Variants in ATF7IP2 observed in about 807,000 individuals in gnomAD.
The protein encoded by ATF7IP2 is activating transcription factor 7-interacting protein 2.
ATF7IP2 carries 42 observed loss-of-function variants against 64.2 expected under a neutral mutation model. That is an observed-to-expected ratio of 0.65 (90% CI 0.51 to 0.85). The LOEUF (loss-of-function observed/expected upper bound fraction) is 0.85, where lower values mean the gene tolerates loss of function less well. Ranked by LOEUF, ATF7IP2 falls within the 40% of genes least tolerant of loss-of-function variation. The pLI, the probability that ATF7IP2 is intolerant of heterozygous loss-of-function variation, is 0.00. For synonymous variants in ATF7IP2, 308 were observed against 272.8 expected, an observed-to-expected ratio of 1.13 and a Z score of -1.27; for missense variants, 933 against 784.2, an observed-to-expected ratio of 1.19 and a Z score of -2.27.
intron 8 of ATF7IP2, chr16:10,446,637 A>G (rs1199857879): frequency 6.6e-6 from 1 of 152,228 alleles, no homozygotes; most frequent in African/African-American, 2.4e-5. Context: ...CTGGGTCCGA[A>G]TGAGACAACA....
chr16:10,438,086 A>G lies in ATF7IP2; in HGVS notation c.961-15A>G, dbSNP rs371408618. 166 of 1,521,624 alleles carry G rather than the reference A, an allele frequency of 1.1e-4. No homozygotes were observed. The highest frequency in any genetic ancestry group is 1.2e-4 in the Non-Finnish European group (132 of 1,140,236). The allele number at this position is 1,521,624 out of a possible 1,614,324, so 94.3% of individuals were successfully genotyped here. On this transcript the variant is annotated splice_polypyrimidine_tract_variant and intron_variant, in intron 6 of 13. Coordinates refer to ENST00000562102, the MANE Select transcript of ATF7IP2 (RefSeq NM_001393719.1). The stretch of plus-strand genomic sequence containing the variant: ...TGAAACGTAGGGTGTTTTGGTTTTT[A>G]TTTTAAAATTCTAGGTCAGACATTT...
intron 8 of ATF7IP2, among the ~76,000 whole-genome samples, chr16:10,453,868 T>G (rs2049073813): frequency 1.3e-5 from 2 of 152,240 alleles, no homozygotes; most frequent in South Asian, 4.2e-4. Flanking sequence ...CCGCCTGCCC[T>G]GACCCCAGGT....
intron 1 of ATF7IP2, among the ~76,000 whole-genome samples, chr16:10,396,627 A>G (rs949756111): frequency 6.6e-6 from 1 of 151,764 alleles, no homozygotes; most frequent in African/African-American, 2.4e-5. Context: ...GATTGAAACA[A>G]TTGTTGTACC....
chr16:10,433,242 A>G (rs1024701635), intron 5 of ATF7IP2, among the ~76,000 whole-genome samples: 1 of 152,054 alleles, frequency 6.6e-6, no homozygotes, highest in African/African-American at 2.4e-5. Context: ...GCAGTAGTCA[A>G]GGTGCTCACT....
intron 8 of ATF7IP2, among the ~76,000 whole-genome samples, chr16:10,441,939 T>C (rs1025826919): frequency 1.9e-4 from 29 of 152,246 alleles, no homozygotes; most frequent in African/African-American, 7.0e-4. Flanking sequence ...AGAAAGGTGC[T>C]GCCTGCATCA....
At chr16:10,412,651 A>C (rs553051428) in intron 1 of ATF7IP2, among the ~76,000 whole-genome samples, 1 of 152,192 alleles carries the variant, frequency 6.6e-6, no homozygotes, top group Admixed American at 6.5e-5. Context: ...TATATTCTGC[A>C]GTTGTTGGGT....
intron 11 of ATF7IP2, 72 bp downstream of exon 11, chr16:10,473,606 A>G (rs1036264180): frequency 1.8e-6 from 2 of 1,108,590 alleles, no homozygotes; most frequent in African/African-American, 3.2e-5. Flanking sequence ...AGTGTTTGCT[A>G]CATGTTGGAT....
intron 1 of ATF7IP2, among the ~76,000 whole-genome samples, chr16:10,389,012 A>G (rs1403695751): frequency 6.6e-6 from 1 of 151,898 alleles, no homozygotes; most frequent in Non-Finnish European, 1.5e-5. Context: ...ACTGTCTCAA[A>G]AAAAAAAAAA....
chr16:10,403,851 C>G (rs367884762), intron 1 of ATF7IP2, among the ~76,000 whole-genome samples: 5 of 152,040 alleles, frequency 3.3e-5, no homozygotes, highest in South Asian at 4.1e-4. Context: ...ATAGATCAGC[C>G]AAGGCAGAAG....
chr16:10,392,446 C>T (rs1440615370), intron 1 of ATF7IP2, among the ~76,000 whole-genome samples: 1 of 151,654 alleles, frequency 6.6e-6, no homozygotes, highest in East Asian at 1.9e-4. Context: ...GTGTGAGCCA[C>T]TGCTCCCAGC....
chr16:10,458,695 C>A (rs2049265620), intron 9 of ATF7IP2, among the ~76,000 whole-genome samples: 1 of 152,314 alleles, frequency 6.6e-6, no homozygotes, highest in African/African-American at 2.4e-5. Flanking sequence ...GAATGTTCTT[C>A]AGCTCATTTT....
intron 9 of ATF7IP2, among the ~76,000 whole-genome samples, chr16:10,465,429 T>C (rs1339566136): frequency 2.0e-5 from 3 of 151,898 alleles, no homozygotes; most frequent in African/African-American, 7.3e-5. Context: ...GTTTCCTCAG[T>C]TTCCCTCCCA....
chr16:10,405,463 T>G (rs2047618382), intron 1 of ATF7IP2, among the ~76,000 whole-genome samples: 2 of 152,156 alleles, frequency 1.3e-5, no homozygotes, highest in African/African-American at 4.8e-5. Flanking sequence ...CAAGCTGCAT[T>G]GTTTTGTAAG....
chr16:10,404,209 A>C (rs1174983351), intron 1 of ATF7IP2, among the ~76,000 whole-genome samples: 1 of 152,200 alleles, frequency 6.6e-6, no homozygotes, highest in Non-Finnish European at 1.5e-5. Context: ...AATCACCTAT[A>C]AAAGAAACTT....
In ATF7IP2 at chr16:10,430,635, T is replaced by C. The variant is rs1567450379; in HGVS notation, c.15T>C (p.Asp5=). The change falls in exon 5 of 14, where the codon GAT becomes GAC. Residue 5 remains aspartate, a synonymous_variant. Coordinates refer to ENST00000562102, the MANE Select transcript of ATF7IP2 (RefSeq NM_001393719.1). MASP[D]RSKRKILKAK... is the part of the protein sequence containing the mutation. ...GGATATGAAAGATGGCAAGTCCAGATAGAAGTAAACGGAAGATATTAAAAG... is the reference window on the plus strand; with the variant it reads ...GGATATGAAAGATGGCAAGTCCAGACAGAAGTAAACGGAAGATATTAAAAG... 2 of 1,611,298 alleles carry C rather than the reference T, an allele frequency of 1.2e-6. No homozygotes were observed. The highest frequency in any genetic ancestry group is 2.2e-5 in the South Asian group (2 of 90,932).
At chr16:10,425,885 C>G (rs551245013) in intron 3 of ATF7IP2, among the ~76,000 whole-genome samples, 1 of 150,852 alleles carries the variant, frequency 6.6e-6, no homozygotes, top group Non-Finnish European at 1.5e-5. Flanking sequence ...AAGAGTGAAA[C>G]TCCATCTCAA....
At chr16:10,399,701 G>T (rs2047490013) in intron 1 of ATF7IP2, among the ~76,000 whole-genome samples, 1 of 152,146 alleles carries the variant, frequency 6.6e-6, no homozygotes, top group Admixed American at 6.5e-5. Context: ...TGATTTTCAA[G>T]ACTTTTTTGT....
Position 10,400,577 on chromosome 16 carries a change from A to T in ATF7IP2, c.-241-13997A>T, listed in dbSNP as rs2047509314. Among the ~76,000 whole-genome samples the T allele has an allele frequency of 2.6e-5, 4 of 152,300 alleles. No homozygotes were observed. In the South Asian group the frequency reaches 8.3e-4, roughly 32 times the overall value. On this transcript the variant is annotated intron_variant, in intron 1 of 13. Coordinates refer to ENST00000562102, the MANE Select transcript of ATF7IP2 (RefSeq NM_001393719.1). ...ATCTTTGTTTTGTTCAAGTTCTTAG[A>T]GGGGATTCTTTCAACCTTTCTTGAT... is the stretch of plus-strand genomic sequence containing the variant.
intron 1 of ATF7IP2, among the ~76,000 whole-genome samples, chr16:10,393,512 T>C (rs2047368754): frequency 6.6e-6 from 1 of 152,152 alleles, no homozygotes; most frequent in Non-Finnish European, 1.5e-5. Context: ...TTCGGTAGAA[T>C]ATAAAGCCAT....
Sources: gnomAD v4.1 joint callset for allele counts (sites outside exome capture counted in the v4.1 genomes callset) on GRCh38, gnomAD v4.1.1 for gene constraint, MANE v1.5 for transcripts, NCBI Gene and HGNC (gene_info 2026-07-23, HGNC 2026-07-21) for gene names.